The following CFAP47 variants were observed in gnomAD, a reference collection of about 807,000 sequenced individuals.
The protein encoded by CFAP47 is cilia- and flagella-associated protein 47.
Under a neutral mutation model 148.1 loss-of-function variants are expected in CFAP47, and 29 were observed. That is an observed-to-expected ratio of 0.20 (90% CI 0.15 to 0.27). The LOEUF (loss-of-function observed/expected upper bound fraction) is 0.27, where lower values mean the gene tolerates loss of function less well. CFAP47 is among the 10% of genes least tolerant of loss of function. The probability of loss-of-function intolerance (pLI) is 1.00; values close to 1 mark genes in which losing one functional copy is unlikely to be tolerated. For synonymous variants in CFAP47, 664 were observed against 577.3 expected (o/e 1.15, Z -2.15); for missense variants, 1,872 against 1,697.5 (o/e 1.10, Z -1.81).
chrX:36,318,189 T>C (rs967201187), intron 56 of CFAP47, among the ~76,000 whole-genome samples: 3 of 112,320 alleles, frequency 2.7e-5, no homozygotes, highest in South Asian at 7.3e-4. Context: ...TTAGTAAATA[T>C]CTTTTGGCAT....
chrX:36,027,826 T>A (rs933406576), intron 22 of CFAP47, among the ~76,000 whole-genome samples: 14 of 111,785 alleles, frequency 1.3e-4, no homozygotes, highest in African/African-American at 4.5e-4. Context: ...ATCTGTTGTT[T>A]TTTTAGTTTT....
intron 46 of CFAP47, among the ~76,000 whole-genome samples, chrX:36,231,249 G>A (rs1555992554): frequency 9.1e-6 from 1 of 109,511 alleles, no homozygotes; most frequent in East Asian, 2.9e-4. Flanking sequence ...CATGAGCATG[G>A]AATGTTCTTC....
intron 40 of CFAP47, among the ~76,000 whole-genome samples, chrX:36,184,705 G>A (rs781907481): frequency 4.5e-5 from 5 of 111,789 alleles, no homozygotes; most frequent in African/African-American, 6.5e-5. Flanking sequence ...AGGCTGGGGC[G>A]GGAGGATCAC....
At chrX:36,017,230 G>A (rs1181384711) in intron 22 of CFAP47, among the ~76,000 whole-genome samples, 1 of 111,846 alleles carries the variant, frequency 8.9e-6, no homozygotes, top group African/African-American at 3.2e-5. Context: ...GCCCAATTAG[G>A]AAGCAACCTA....
chrX:36,207,037 A>G (rs1555988868), intron 45 of CFAP47, among the ~76,000 whole-genome samples: 1 of 111,833 alleles, frequency 8.9e-6, no homozygotes, highest in African/African-American at 3.2e-5. Context: ...ACTTTCAAAA[A>G]TAGGATATTA....
chrX:36,153,082 A>G (rs924163979), intron 37 of CFAP47, among the ~76,000 whole-genome samples: 1 of 111,627 alleles, frequency 9.0e-6, no homozygotes, highest in Non-Finnish European at 1.9e-5. Context: ...AAATAAAAGT[A>G]TAAGTCTGAT....
intron 51 of CFAP47, among the ~76,000 whole-genome samples, chrX:36,286,398 C>A (rs1310871677): frequency 5.7e-5 from 6 of 106,032 alleles, no homozygotes; most frequent in Admixed American, 1.0e-4. Context: ...TACTTAGAAT[C>A]TTGAACTTTG....
chrX:36,313,625 AG>A (rs1941411586), intron 56 of CFAP47, among the ~76,000 whole-genome samples: 1 of 111,447 alleles, frequency 9.0e-6, no homozygotes, highest in African/African-American at 3.3e-5. Flanking sequence ...GTCTTTTAAA[AG>A]AAGATGTAAA....
intron 15 of CFAP47, among the ~76,000 whole-genome samples, chrX:35,978,306 G>C (rs1936597088): frequency 1.8e-5 from 2 of 111,539 alleles, no homozygotes; most frequent in South Asian, 7.4e-4. Flanking sequence ...GGAGGAATGG[G>C]CTGGGCTTGC....
intron 17 of CFAP47, among the ~76,000 whole-genome samples, 195 bp downstream of exon 17, chrX:35,992,138 GT>G (rs763479547): frequency 9.1e-6 from 1 of 110,449 alleles, no homozygotes; most frequent in Admixed American, 9.7e-5. Flanking sequence ...TAGCCTCCCT[GT>G]TTCTTCTCTT....
Position 36,010,110 on chromosome X carries a change from C to T in CFAP47, c.3418-4664C>T, listed in dbSNP as rs193147827. On this transcript the variant is annotated intron_variant, in intron 21 of 63. Coordinates refer to ENST00000378653, the MANE Select transcript of CFAP47 (RefSeq NM_001304548.2). ...AAAAAATCAACACAAAGTTTAAAAA[C>T]GTCATTAGAAAAAATGAATTTTTAT... Among the ~76,000 whole-genome samples, 88 of 110,983 alleles carry T rather than the reference C, an allele frequency of 7.9e-4. 1 individual carries two copies. The East Asian group carries it at 0.024, about 30-fold the overall frequency.
chrX:36,274,869 G>C (rs1940996754), intron 49 of CFAP47, among the ~76,000 whole-genome samples: 1 of 110,992 alleles, frequency 9.0e-6, no homozygotes, highest in Admixed American at 9.6e-5. Flanking sequence ...GTACTATATT[G>C]GATAGAAGTG....
At chrX:36,347,290 G>A (rs1307789617) in intron 57 of CFAP47, among the ~76,000 whole-genome samples, 3 of 111,978 alleles carry the variant, frequency 2.7e-5, no homozygotes, top group Non-Finnish European at 3.8e-5. Context: ...AACAACAGAT[G>A]CTGGAGAGGT....
At chrX:36,340,817 T>A (rs1218818381) in intron 57 of CFAP47, among the ~76,000 whole-genome samples, 1 of 110,957 alleles carries the variant, frequency 9.0e-6, no homozygotes, top group Non-Finnish European at 1.9e-5. Context: ...TTATGTTCTA[T>A]TTTTATTTAA....
intron 22 of CFAP47, chrX:36,021,911 T>A (rs1208758714): frequency 1.8e-5 from 2 of 111,535 alleles, no homozygotes; most frequent in Non-Finnish European, 3.8e-5. Context: ...ATCCAGTATA[T>A]CATTGATGGG....
chrX:36,075,738 T>G (rs2146765107), intron 29 of CFAP47, among the ~76,000 whole-genome samples: 1 of 111,465 alleles, frequency 9.0e-6, no homozygotes, highest in Non-Finnish European at 1.9e-5. Context: ...CATCTTTTTG[T>G]TCATGAGTAC....
chrX:35,951,999 T>C (rs775311378), intron 6 of CFAP47, 36 bp downstream of exon 6: 1 of 1,126,025 alleles, frequency 8.9e-7, no homozygotes, highest in South Asian at 2.2e-5. Flanking sequence ...ATGTTAAATA[T>C]TAATGGAAAG....
At chrX:36,349,946 A>T in intron 58 of CFAP47, 92 bp from the exon 59 acceptor site, 1 of 511,865 alleles carries the variant, frequency 2.0e-6, no homozygotes, top group African/African-American at 2.4e-5. Flanking sequence ...TACAAGCTTT[A>T]CTAAAATACC....
chrX:36,375,817 G>T (rs902251305), intron 62 of CFAP47, among the ~76,000 whole-genome samples: 1 of 112,308 alleles, frequency 8.9e-6, no homozygotes, highest in Non-Finnish European at 1.9e-5. Context: ...AGTGTTCTAA[G>T]TGTGGTGACA....
Sources: gnomAD v4.1 joint callset for allele counts (sites outside exome capture counted in the v4.1 genomes callset) on GRCh38, gnomAD v4.1.1 for gene constraint, MANE v1.5 for transcripts, NCBI Gene and HGNC (gene_info 2026-07-23, HGNC 2026-07-21) for gene names.